The following POLR1A variants were observed in gnomAD, a reference collection of about 807,000 sequenced individuals.
The protein encoded by POLR1A is RNA polymerase I subunit A.
In POLR1A, 84 loss-of-function variants were observed where a neutral mutation model predicts 205.3. That is an observed-to-expected ratio of 0.41 (90% CI 0.34 to 0.49). POLR1A has a LOEUF of 0.49. Among genes scored for constraint, POLR1A ranks in the 20% least tolerant of loss-of-function variants. POLR1A has a pLI of 0.22. For synonymous variants in POLR1A, 799 were observed against 863.7 expected (o/e 0.93, Z 1.31); for missense variants, 1,645 against 2,204.5 (o/e 0.75, Z 5.08).
intron 12 of POLR1A, among the ~76,000 whole-genome samples, chr2:86,071,227 C>CGTGTGCGCGCGTGTGTGTGT (rs1558777042): frequency 6.8e-6 from 1 of 147,356 alleles, no homozygotes; most frequent in African/African-American, 2.6e-5. Context: ...TCTCCGTGTG[C>CGTGTGCGCGCGTGTGTGTGT]ATGTGTGTGT....
rs1416220863 is a variant in POLR1A, at chr2:86,039,451, A to G, written c.3752T>C (p.Ile1251Thr). ...VTLGIPRLRE[I>T]LMVASANIKT... ...GATGTTGGCGCTGGCCACCATGAGAATCTCCCGCAACCTGTCACAGAATAA... is the reference window on the plus strand; with the variant it reads ...GATGTTGGCGCTGGCCACCATGAGAGTCTCCCGCAACCTGTCACAGAATAA... Residue 1251 changes from isoleucine to threonine, a missense_variant, in exon 26 of 34, where the codon ATT becomes ACT. This residue lies in a region of POLR1A where 394 missense variants were observed against 468.5 expected (regional missense o/e 0.84). Coordinates refer to ENST00000263857, the MANE Select transcript of POLR1A (RefSeq NM_015425.6). The G allele has an allele frequency of 6.2e-7, 1 of 1,614,114 alleles. No homozygotes were observed. Among genetic ancestry groups the G allele is most frequent in the Non-Finnish European group, 8.5e-7 (1 of 1,180,020 alleles).
intron 12 of POLR1A, among the ~76,000 whole-genome samples, chr2:86,071,331 G>A (rs534307546): frequency 6.6e-6 from 1 of 151,936 alleles, no homozygotes; most frequent in Middle Eastern, 3.4e-3. Context: ...TCTCTCTGTT[G>A]CCAGGCTGGA....
chr2:86,067,373 A>G (rs1673099640), intron 13 of POLR1A, among the ~76,000 whole-genome samples: 1 of 152,212 alleles, frequency 6.6e-6, no homozygotes, highest in Non-Finnish European at 1.5e-5. Flanking sequence ...AGAAGTCAGG[A>G]AACATATCTG....
intron 25 of POLR1A, 134 bp from the exon 26 acceptor site, chr2:86,039,596 A>G (rs961776369): frequency 4.7e-6 from 5 of 1,054,578 alleles, no homozygotes; most frequent in Admixed American, 2.1e-5. Flanking sequence ...ATAATATGCT[A>G]GATCAGAGAA....
At chr2:86,068,635 A>C (rs974187677) in intron 13 of POLR1A, among the ~76,000 whole-genome samples, 1 of 152,240 alleles carries the variant, frequency 6.6e-6, no homozygotes, top group Non-Finnish European at 1.5e-5. Flanking sequence ...CACTTTTCAA[A>C]TTAGCAAATG....
rs779427751 is a variant in POLR1A, at chr2:86,028,571, T to C, written c.4897+23A>G. On this transcript the variant is annotated intron_variant, in intron 32 of 33. Transcript: ENST00000263857. The surrounding 1 kb of genome is among the most constrained non-coding windows in gnomAD (Gnocchi z 4.5). ...CCTGGCTGGTGCCCAGACCTCGGGG[T>C]GTTATCTGCAAGCTCCCCTTACCAT... 6.4e-7 allele frequency: 1 copy of C among 1,553,296 alleles called. No homozygotes were observed. Among genetic ancestry groups the C allele is most frequent in the Non-Finnish European group, 8.9e-7 (1 of 1,124,698 alleles).
chr2:86,055,173 T>C (rs567637179), intron 14 of POLR1A, among the ~76,000 whole-genome samples: 16 of 152,278 alleles, frequency 1.1e-4, no homozygotes, highest in African/African-American at 3.6e-4. Flanking sequence ...CGTGCACCTA[T>C]ACTTCCAGCT....
intron 9 of POLR1A, among the ~76,000 whole-genome samples, chr2:86,080,298 T>C (rs1337896135): frequency 1.3e-5 from 2 of 152,156 alleles, no homozygotes; most frequent in African/African-American, 4.8e-5. Context: ...CAGGAAATGT[T>C]AGTTGAAACT....
chr2:86,089,483 T>C (rs1001667269), intron 4 of POLR1A, among the ~76,000 whole-genome samples: 1 of 152,200 alleles, frequency 6.6e-6, no homozygotes, highest in Non-Finnish European at 1.5e-5. Flanking sequence ...AGGCAGTATA[T>C]GAAGGGGAGA....
At chr2:86,085,350 G>A (rs919298905) in intron 6 of POLR1A, among the ~76,000 whole-genome samples, 3 of 152,214 alleles carry the variant, frequency 2.0e-5, no homozygotes, top group African/African-American at 7.2e-5. Context: ...AAGTCAAGGA[G>A]TCTGCATGTT....
chr2:86,074,972 A>G, intron 12 of POLR1A, 58 bp downstream of exon 12: 1 of 1,231,576 alleles, frequency 8.1e-7, no homozygotes. Context: ...ATGGCCACCA[A>G]TCACCAGAAT....
At chr2:86,064,317 C>G (rs1372232639) in intron 14 of POLR1A, among the ~76,000 whole-genome samples, 3 of 152,150 alleles carry the variant, frequency 2.0e-5, no homozygotes, top group Non-Finnish European at 4.4e-5. Context: ...TGATGAGGAA[C>G]TGAGACACAC....
chr2:86,074,937 T>G, intron 12 of POLR1A, 93 bp downstream of exon 12: 2 of 836,482 alleles, frequency 2.4e-6, no homozygotes, highest in East Asian at 2.7e-5. Context: ...GGCTCCTGTG[T>G]CAGTGCGCAC....
intron 28 of POLR1A, 54 bp from the exon 29 acceptor site, chr2:86,032,436 T>C (rs894284616): frequency 8.0e-7 from 1 of 1,257,296 alleles, no homozygotes; most frequent in Non-Finnish European, 1.2e-6. Context: ...TAGTGCTCAG[T>C]GAATCCATCC....
rs1672315805 is a variant in POLR1A at position 86,028,660 on chromosome 2, T to C, written c.4831A>G (p.Thr1611Ala). ...CGCAGCGCGGCCTCAATGCCATACG[T>C]GTTGGCTATGGCGTGGATGTCGTTG... ...YSNDIHAIAN[T>A]YGIEAALRVI... The change falls in exon 32 of 34, where the codon ACG becomes GCG. Residue 1611 changes from threonine to alanine, a missense_variant. Coordinates refer to ENST00000263857, the MANE Select transcript of POLR1A (RefSeq NM_015425.6). The surrounding 1 kb of genome is among the most constrained non-coding windows in gnomAD (Gnocchi z 4.5). 1 of 1,613,938 alleles carries C rather than the reference T, an allele frequency of 6.2e-7. No individual in the cohort carries two copies. Among genetic ancestry groups the C allele is most frequent in the African/African-American group, 1.3e-5 (1 of 74,908 alleles).
chr2:86,080,034 C>A (rs1309879326), intron 9 of POLR1A, among the ~76,000 whole-genome samples: 2 of 152,124 alleles, frequency 1.3e-5, no homozygotes, highest in Non-Finnish European at 2.9e-5. Flanking sequence ...CCACAGAAAG[C>A]CCCAAGTGTA....
chr2:86,052,437 A>C (rs192179428), intron 16 of POLR1A, among the ~76,000 whole-genome samples: 15 of 152,336 alleles, frequency 9.8e-5, no homozygotes, highest in South Asian at 2.1e-4. Flanking sequence ...GCCATTCTGC[A>C]CTGTGAACGG....
At chr2:86,104,349 C>G (rs73944244) in intron 1 of POLR1A, among the ~76,000 whole-genome samples, 3,638 of 151,828 alleles carry the variant, frequency 0.024, 148 homozygotes, top group African/African-American at 0.082. Flanking sequence ...CAGGAGAGAT[C>G]TAGAATAATT....
rs1044412164 is a variant in POLR1A, at chr2:86,025,384, G to C, written c.*2039C>G. On this transcript the variant is annotated 3_prime_UTR_variant, in exon 34 of 34. Coordinates refer to ENST00000263857, the MANE Select transcript of POLR1A (RefSeq NM_015425.6). ...CCACTCTCAGAGGCTTCCGAGCATA[G>C]AGAACCACCAAAGTGAGCGTGTAAT... 9 of 152,342 alleles carry C rather than the reference G, an allele frequency of 5.9e-5. No individual in the cohort carries two copies. The highest frequency in any genetic ancestry group is 2.2e-4 in the African/African-American group (9 of 41,568). The allele number at this position is 152,342 out of a possible 1,614,324, so 9.4% of individuals were successfully genotyped here.
Sources: allele counts gnomAD v4.1 joint callset (sites outside exome capture counted in the v4.1 genomes callset), GRCh38; gene constraint gnomAD v4.1.1; regional missense constraint gnomAD v4.1.1; non-coding constraint Gnocchi (gnomAD v3.1); transcripts MANE v1.5; gene names NCBI Gene and HGNC (gene_info 2026-07-23, HGNC 2026-07-21).